Variants in MEF2A observed in about 807,000 individuals in gnomAD.
The protein encoded by MEF2A is myocyte enhancer factor 2A.
A neutral mutation model predicts 55.8 loss-of-function variants in MEF2A; 28 were observed. The observed-to-expected ratio is 0.50, with a 90% confidence interval of 0.37 to 0.69. MEF2A has a LOEUF of 0.69. MEF2A is among the 30% of genes least tolerant of loss of function. The pLI is 0.00. For missense variants in MEF2A, 528 were observed against 626.2 expected (o/e 0.84, Z 1.67); for synonymous variants, 239 against 227.1 (o/e 1.05, Z -0.47).
intron 1 of MEF2A, chr15:99,566,485 T>A (rs1959528115): frequency 6.7e-6 from 1 of 148,596 alleles, no homozygotes; most frequent in Non-Finnish European, 1.5e-5. Context: ...GGGAGCTCAG[T>A]CGCGCGGGCT....
intron 2 of MEF2A, among the ~76,000 whole-genome samples, chr15:99,605,604 T>A (rs898480908): frequency 2.6e-5 from 4 of 152,058 alleles, no homozygotes; most frequent in Non-Finnish European, 4.4e-5. Flanking sequence ...TAAATTGGTA[T>A]GCTTTTTTGT....
At chr15:99,593,288 G>A (rs943196148) in intron 1 of MEF2A, among the ~76,000 whole-genome samples, 1 of 151,966 alleles carries the variant, frequency 6.6e-6, no homozygotes, top group African/African-American at 2.4e-5. Flanking sequence ...CTGCACTGTC[G>A]TCCTGACTGT....
chr15:99,660,534 C>T (rs541738545), intron 4 of MEF2A, among the ~76,000 whole-genome samples: 6 of 152,258 alleles, frequency 3.9e-5, no homozygotes, highest in Middle Eastern at 3.4e-3. Context: ...CCCTGAGGTC[C>T]TATATGTGGA....
intron 2 of MEF2A, among the ~76,000 whole-genome samples, chr15:99,632,143 G>A (rs937281730): frequency 4.6e-5 from 7 of 152,106 alleles, no homozygotes; most frequent in African/African-American, 9.7e-5. Flanking sequence ...AATAAAAAAC[G>A]CTTGAAAGAT....
chr15:99,627,313 G>A lies in MEF2A; in HGVS notation c.-142-5665G>A, dbSNP rs549143035. Among the ~76,000 whole-genome samples the A allele has an allele frequency of 9.3e-5, 14 of 150,648 alleles. 1 individual carries two copies. Among genetic ancestry groups the A allele is most frequent in the African/African-American group, 2.4e-4 (10 of 41,020 alleles). ...TGGATGCCTATAGTCCCAGGTACTC[G>A]GGAGGCTGAGGCAGGAGAATCACTT... On this transcript the variant is annotated intron_variant, in intron 2 of 11. Coordinates refer to ENST00000557942, the MANE Select transcript of MEF2A (RefSeq NM_001319206.4).
At chr15:99,669,332 C>T (rs1039395311) in intron 4 of MEF2A, among the ~76,000 whole-genome samples, 2 of 152,208 alleles carry the variant, frequency 1.3e-5, no homozygotes, top group Non-Finnish European at 1.5e-5. Flanking sequence ...TAGGCACCTA[C>T]TATATTTGTT....
chr15:99,608,372 C>T (rs1454332219), intron 2 of MEF2A, among the ~76,000 whole-genome samples: 5 of 152,176 alleles, frequency 3.3e-5, no homozygotes, highest in African/African-American at 4.8e-5. Context: ...CCTTAAGCTT[C>T]TTTTATTTTT....
intron 7 of MEF2A, among the ~76,000 whole-genome samples, chr15:99,676,388 G>A (rs969068877): frequency 3.3e-5 from 5 of 149,404 alleles, no homozygotes; most frequent in Admixed American, 6.6e-5. Context: ...TACTGTTTTT[G>A]TGTCCCTTTT....
intron 11 of MEF2A, among the ~76,000 whole-genome samples, chr15:99,711,297 T>C (rs2058613460): frequency 6.6e-6 from 1 of 152,202 alleles, no homozygotes; most frequent in Admixed American, 6.5e-5. Flanking sequence ...ACAGGGTGTC[T>C]TATATATCAG....
intron 1 of MEF2A, among the ~76,000 whole-genome samples, chr15:99,597,758 T>TTTC (rs1971720459): frequency 6.6e-5 from 10 of 152,254 alleles, no homozygotes; most frequent in Admixed American, 6.5e-4. Context: ...TCCCTTTATT[T>TTTC]CTCAAGCTGG....
chr15:99,653,882 G>A (rs898940078), intron 4 of MEF2A, among the ~76,000 whole-genome samples: 2 of 151,892 alleles, frequency 1.3e-5, no homozygotes, highest in African/African-American at 4.8e-5. Context: ...GGTTTATTTT[G>A]TGGTAATTTC....
At chr15:99,708,784 G>A (rs1390382941) in intron 10 of MEF2A, among the ~76,000 whole-genome samples, 1 of 152,268 alleles carries the variant, frequency 6.6e-6, no homozygotes, top group South Asian at 2.1e-4. Flanking sequence ...GTCTCAGCTC[G>A]GACAGGAAGG....
chr15:99,618,784 A>G (rs1224827377), intron 2 of MEF2A, among the ~76,000 whole-genome samples: 9 of 152,246 alleles, frequency 5.9e-5, no homozygotes, highest in Non-Finnish European at 8.8e-5. Flanking sequence ...CATTCTCTAT[A>G]CTGTTCTTGT....
At chr15:99,600,466 A>G (rs954718547) in intron 2 of MEF2A, among the ~76,000 whole-genome samples, 2 of 152,146 alleles carry the variant, frequency 1.3e-5, no homozygotes, top group Non-Finnish European at 2.9e-5. Flanking sequence ...CTGCAGTAGA[A>G]ATTGAAGGTT....
chr15:99,584,317 G>GT (rs1966756531), intron 1 of MEF2A, among the ~76,000 whole-genome samples: 1 of 152,084 alleles, frequency 6.6e-6, no homozygotes, highest in South Asian at 2.1e-4. Context: ...ACACTCTTAG[G>GT]TTTTTTATTG....
intron 4 of MEF2A, among the ~76,000 whole-genome samples, chr15:99,660,550 A>G (rs1252361568): frequency 6.6e-6 from 1 of 152,178 alleles, no homozygotes; most frequent in Non-Finnish European, 1.5e-5. Context: ...GTGGAACCAT[A>G]AGGTAAATGT....
intron 2 of MEF2A, among the ~76,000 whole-genome samples, chr15:99,629,899 C>T (rs920975263): frequency 6.6e-6 from 1 of 151,770 alleles, no homozygotes. Flanking sequence ...GAGATCACGC[C>T]ACTGCACTCC....
chr15:99,587,064 T>C (rs916059398), intron 1 of MEF2A, among the ~76,000 whole-genome samples: 1 of 152,192 alleles, frequency 6.6e-6, no homozygotes, highest in Non-Finnish European at 1.5e-5. Flanking sequence ...AACTTTTTTT[T>C]TTTTAAATTA....
rs1023324009 is a variant in MEF2A, at chr15:99,713,472, G to C, written c.*701G>C. 1 of 153,264 alleles carries C rather than the reference G, an allele frequency of 6.5e-6. No homozygotes were observed. Among genetic ancestry groups the C allele is most frequent in the Non-Finnish European group, 1.5e-5 (1 of 68,886 alleles). The allele number at this position is 153,264 out of a possible 1,614,324, so 9.5% of individuals were successfully genotyped here. A position where few individuals can be genotyped will look rare whatever the true frequency, so the allele number is the denominator to read the frequency against. On this transcript the variant is annotated 3_prime_UTR_variant, in exon 12 of 12. Transcript: ENST00000557942. Reference sequence around the variant, plus strand: ...GAAAATACTAGCCTAGAAATATAGAGCATTAACAAAGTAAAATTAATATAT... The same window carrying C: ...GAAAATACTAGCCTAGAAATATAGACCATTAACAAAGTAAAATTAATATAT...
Sources: allele counts gnomAD v4.1 joint callset (sites outside exome capture counted in the v4.1 genomes callset), GRCh38; gene constraint gnomAD v4.1.1; transcripts MANE v1.5; gene names NCBI Gene and HGNC (gene_info 2026-07-23, HGNC 2026-07-21).